Variants in ACAD11 observed in about 807,000 individuals in gnomAD.
ACAD11 encodes the protein acyl-Coenzyme A dehydrogenase family, member 11.
In ACAD11, 83 loss-of-function variants were observed where a neutral mutation model predicts 102.2. That is an observed-to-expected ratio of 0.81 (90% CI 0.68 to 0.97). The LOEUF (loss-of-function observed/expected upper bound fraction) is 0.97, where lower values mean the gene tolerates loss of function less well. Ranked by LOEUF, ACAD11 falls within the 50% of genes least tolerant of loss-of-function variation. The pLI, the probability that ACAD11 is intolerant of heterozygous loss-of-function variation, is 0.00. For synonymous variants in ACAD11, 324 were observed against 319.8 expected (o/e 1.01, Z -0.14); for missense variants, 901 against 951.7 (o/e 0.95, Z 0.70).
chr3:132,644,722 A>G, intron 2 of ACAD11, 75 bp downstream of exon 2: 1 of 750,868 alleles, frequency 1.3e-6, no homozygotes, highest in Non-Finnish European at 2.1e-6. Context: ...GCCTTTTAAA[A>G]GTAAATTGGC....
At position 132,621,454 on chromosome 3, in the gene ACAD11, T is replaced by C. The variant is rs1001868919; in HGVS notation, c.1198-1909A>G. Among the ~76,000 whole-genome samples, 3 of 152,166 alleles carry C rather than the reference T, an allele frequency of 2.0e-5. No individual in the cohort carries two copies. In the East Asian group the frequency reaches 5.8e-4, roughly 29 times the overall value. Reference sequence around the variant, plus strand: ...ATAACTGTCATTGTAAAATTCTATATGCAATGAAACTATCTTTCACGAACT... The same window carrying C: ...ATAACTGTCATTGTAAAATTCTATACGCAATGAAACTATCTTTCACGAACT... On this transcript the variant is annotated intron_variant, in intron 9 of 19. Transcript: ENST00000264990.
chr3:132,583,745 T>G (rs1428531711), intron 13 of ACAD11, among the ~76,000 whole-genome samples: 1 of 152,216 alleles, frequency 6.6e-6, no homozygotes, highest in Non-Finnish European at 1.5e-5. Flanking sequence ...TTCTGGTATG[T>G]TGTGTCTTTG....
chr3:132,594,263 A>G (rs535446586), intron 13 of ACAD11, among the ~76,000 whole-genome samples: 2 of 152,342 alleles, frequency 1.3e-5, no homozygotes, highest in South Asian at 4.1e-4. Context: ...AATCCCATTT[A>G]CAAAAAAGCT....
chr3:132,620,949 AAAC>A (rs1036825623), intron 9 of ACAD11, among the ~76,000 whole-genome samples: 4 of 152,226 alleles, frequency 2.6e-5, no homozygotes, highest in African/African-American at 9.6e-5. Flanking sequence ...ACAGCTGAAA[AAAC>A]AAATCATAAA....
intron 2 of ACAD11, 113 bp downstream of exon 2, chr3:132,644,684 A>T (rs35685446): frequency 0.011 from 4,755 of 445,384 alleles, 179 homozygotes; most frequent in African/African-American, 0.087. Flanking sequence ...AATAAAATAT[A>T]TTTTATATTA....
intron 17 of ACAD11, among the ~76,000 whole-genome samples, chr3:132,571,375 G>GT (rs1937374792): frequency 7.3e-6 from 1 of 137,782 alleles, no homozygotes; most frequent in Non-Finnish European, 1.5e-5. Context: ...ATTTGTTTAA[G>GT]TTCCTTATAG....
chr3:132,564,711 T>C (rs1439188470), intron 17 of ACAD11, among the ~76,000 whole-genome samples: 1 of 152,226 alleles, frequency 6.6e-6, no homozygotes, highest in Non-Finnish European at 1.5e-5. Context: ...AAAATAAGTA[T>C]GTCTGATATC....
intron 13 of ACAD11, among the ~76,000 whole-genome samples, chr3:132,582,914 A>C (rs1937628072): frequency 6.6e-6 from 1 of 152,146 alleles, no homozygotes; most frequent in African/African-American, 2.4e-5. Flanking sequence ...TATACGACTA[A>C]AAAGGAAGAG....
At chr3:132,630,634 C>G (rs986489544) in intron 6 of ACAD11, 76 bp from the exon 7 acceptor site, 2 of 1,330,286 alleles carry the variant, frequency 1.5e-6, no homozygotes, top group Non-Finnish European at 1.0e-6. Flanking sequence ...GAGACTGAGA[C>G]GCATATGTAA....
chr3:132,625,022 T>C (rs1939758800), intron 9 of ACAD11, among the ~76,000 whole-genome samples: 1 of 152,156 alleles, frequency 6.6e-6, no homozygotes, highest in South Asian at 2.1e-4. Flanking sequence ...GCCTTCTGCC[T>C]GGGGGCAAAC....
intron 2 of ACAD11, among the ~76,000 whole-genome samples, chr3:132,644,248 T>A (rs1411061735): frequency 2.0e-5 from 3 of 152,172 alleles, no homozygotes; most frequent in Non-Finnish European, 2.9e-5. Flanking sequence ...TGTCCCCTCC[T>A]GTTCTCTGAA....
intron 1 of ACAD11, among the ~76,000 whole-genome samples, chr3:132,658,928 C>G (rs1040358683): frequency 6.6e-6 from 1 of 152,208 alleles, no homozygotes. Flanking sequence ...AACTCCCAGA[C>G]AGCAAGTGAC....
At chr3:132,629,153 G>C (rs1939936062) in intron 7 of ACAD11, among the ~76,000 whole-genome samples, 1 of 152,044 alleles carries the variant, frequency 6.6e-6, no homozygotes, top group Admixed American at 6.6e-5. Context: ...AGTATATATA[G>C]TTTATGTTGT....
intron 13 of ACAD11, among the ~76,000 whole-genome samples, chr3:132,583,999 T>C (rs1937680510): frequency 6.6e-6 from 1 of 152,222 alleles, no homozygotes; most frequent in East Asian, 1.9e-4. Context: ...AATTTTGGAA[T>C]AGGTGTGGTG....
chr3:132,641,987 C>T lies in ACAD11; in HGVS notation c.522G>A (p.Gly174=), dbSNP rs1485375698. 1.2e-6 allele frequency: 2 copies of T among 1,611,482 alleles called. No individual in the cohort carries two copies. The highest frequency in any genetic ancestry group is 1.7e-5 in the Admixed American group (1 of 59,852). The change falls in exon 4 of 20, where the codon GGG becomes GGA. Residue 174 remains glycine (G), a synonymous_variant. Transcript: ENST00000264990. The stretch of plus-strand genomic sequence containing the variant: ...GATGCATTACCTGTCTTTTGCAGTA[C>T]CCAGCACCTATACCATATCCTTCCA... ...LQLEGYGIGA[G]YCKRQVSTWT... is the part of the protein sequence containing the mutation.
intron 17 of ACAD11, among the ~76,000 whole-genome samples, chr3:132,568,303 T>C (rs1298902703): frequency 6.6e-6 from 1 of 152,164 alleles, no homozygotes; most frequent in Non-Finnish European, 1.5e-5. Flanking sequence ...ATACTTATTA[T>C]AATTGCTCAA....
intron 14 of ACAD11, chr3:132,579,244 TTTGA>T (rs1937565000): frequency 7.9e-6 from 5 of 630,530 alleles, no homozygotes; most frequent in Admixed American, 6.5e-5. Flanking sequence ...TCCAAACAGC[TTTGA>T]TAATTTAGCA....
intron 9 of ACAD11, among the ~76,000 whole-genome samples, chr3:132,623,884 G>C (rs1008403826): frequency 1.3e-5 from 2 of 152,104 alleles, no homozygotes; most frequent in Non-Finnish European, 2.9e-5. Context: ...TGGGCTGATT[G>C]CAAGTACTAG....
intron 9 of ACAD11, among the ~76,000 whole-genome samples, chr3:132,624,896 G>T (rs988406261): frequency 2.6e-5 from 4 of 151,932 alleles, no homozygotes; most frequent in Non-Finnish European, 4.4e-5. Context: ...TGTTGCCCAG[G>T]CTGGTCTCAA....
Sources: allele counts gnomAD v4.1 joint callset (sites outside exome capture counted in the v4.1 genomes callset), GRCh38; gene constraint gnomAD v4.1.1; transcripts MANE v1.5; gene names NCBI Gene and HGNC (gene_info 2026-07-23, HGNC 2026-07-21).